Variants in AKAP6 observed in about 807,000 individuals in gnomAD.
The protein encoded by AKAP6 is A-kinase anchor protein 6.
AKAP6 carries 58 observed loss-of-function variants against 188.5 expected under a neutral mutation model. The ratio of observed to expected loss-of-function variants is 0.31; its 90% CI spans 0.25 to 0.38. The LOEUF (loss-of-function observed/expected upper bound fraction) is 0.38, where lower values mean the gene tolerates loss of function less well. Among genes scored for constraint, AKAP6 ranks in the 10% least tolerant of loss-of-function variants. The pLI, the probability that AKAP6 is intolerant of heterozygous loss-of-function variation, is 1.00. For synonymous variants in AKAP6, 989 were observed against 998.6 expected, an observed-to-expected ratio of 0.99 and a Z score of 0.18; for missense variants, 2,710 against 2,740.0, an observed-to-expected ratio of 0.99 and a Z score of 0.24.
In AKAP6 at chr14:32,822,163, C is replaced by A. The variant is rs758399009; in HGVS notation, c.4350C>A (p.Thr1450=). 1.9e-6 allele frequency: 3 copies of A among 1,613,586 alleles called. No individual in the cohort carries two copies. The highest frequency in any genetic ancestry group is 2.7e-5 in the African/African-American group (2 of 74,832). The change falls in exon 13 of 14, where the codon ACC becomes ACA. Residue 1450 remains threonine, a synonymous_variant. Transcript: ENST00000280979. ...VGDLNSITKH[T]PDCLGEELQG... ...ATTTAAACAGTATTACCAAACATACCCCTGACTGTTTGGGAGAAGAATTAC... is the reference window on the plus strand; with the variant it reads ...ATTTAAACAGTATTACCAAACATACACCTGACTGTTTGGGAGAAGAATTAC...
At chr14:32,357,392 G>A in intron 1 of AKAP6, among the ~76,000 whole-genome samples, 1 of 152,172 alleles carries the variant, frequency 6.6e-6, no homozygotes, top group East Asian at 1.9e-4. Flanking sequence ...AGCCAACCAT[G>A]TCTGTTTTAA....
chr14:32,819,978 G>A (rs1214014250), intron 12 of AKAP6, among the ~76,000 whole-genome samples: 1 of 151,930 alleles, frequency 6.6e-6, no homozygotes, highest in Non-Finnish European at 1.5e-5. Flanking sequence ...ATATATGTAT[G>A]GCCACCTAAT....
At chr14:32,808,203 A>G (rs1031775930) in intron 12 of AKAP6, among the ~76,000 whole-genome samples, 2 of 151,254 alleles carry the variant, frequency 1.3e-5, no homozygotes, top group Middle Eastern at 6.9e-3. Context: ...CTTCTTTCCT[A>G]GAACACCTAT....
At chr14:32,790,462 C>A (rs532810859) in intron 12 of AKAP6, among the ~76,000 whole-genome samples, 10 of 152,036 alleles carry the variant, frequency 6.6e-5, no homozygotes, top group South Asian at 4.1e-4. Flanking sequence ...ATGTTAAGGG[C>A]AGCCAGAGAG....
intron 12 of AKAP6, among the ~76,000 whole-genome samples, chr14:32,820,042 G>T (rs1345534226): frequency 1.3e-5 from 2 of 152,080 alleles, no homozygotes; most frequent in Non-Finnish European, 2.9e-5. Context: ...TACTCAGAAT[G>T]ATCTTGAAAA....
At chr14:32,609,133 C>G (rs1434019465) in intron 7 of AKAP6, among the ~76,000 whole-genome samples, 2 of 152,104 alleles carry the variant, frequency 1.3e-5, no homozygotes, top group African/African-American at 4.8e-5. Flanking sequence ...TCTAGGCCTT[C>G]TTATTAAATG....
At chr14:32,372,351 A>G (rs1458152517) in intron 1 of AKAP6, among the ~76,000 whole-genome samples, 1 of 151,736 alleles carries the variant, frequency 6.6e-6, no homozygotes, top group East Asian at 1.9e-4. Context: ...GATTTTTTAT[A>G]AAGAAATACA....
At chr14:32,422,454 G>C (rs1444797605) in intron 1 of AKAP6, among the ~76,000 whole-genome samples, 1 of 152,162 alleles carries the variant, frequency 6.6e-6, no homozygotes, top group African/African-American at 2.4e-5. Context: ...GGAAGAATCT[G>C]GGGCTGGGAG....
intron 11 of AKAP6, among the ~76,000 whole-genome samples, chr14:32,744,580 G>C (rs2031816593): frequency 6.6e-6 from 1 of 152,142 alleles, no homozygotes; most frequent in South Asian, 2.1e-4. Context: ...CCTCCCCAAA[G>C]TACTGGGATT....
rs61353267 is a variant in AKAP6 at position 32,466,845 on chromosome 14, A to T, written c.324+33028A>T. On this transcript the variant is annotated intron_variant, in intron 2 of 13. Transcript: ENST00000280979. ...AACAAGATTATATATATATATATAT[A>T]TTTTCTTTCTTAGCAAGACTAATTC... Among the ~76,000 whole-genome samples the T allele has an allele frequency of 5.8e-3, 842 of 144,214 alleles. 23 individuals carry two copies. Among genetic ancestry groups the T allele is most frequent in the African/African-American group, 0.021 (808 of 38,052 alleles). The allele number at this position is 144,214 out of a possible 152,430, so 94.6% of individuals were successfully genotyped here.
intron 1 of AKAP6, among the ~76,000 whole-genome samples, chr14:32,411,502 C>A (rs548516656): frequency 1.8e-3 from 268 of 152,240 alleles, no homozygotes; most frequent in African/African-American, 6.2e-3. Flanking sequence ...CTATTTTATT[C>A]TCTGCATAGA....
At chr14:32,732,788 T>TC in intron 10 of AKAP6, 188 bp downstream of exon 10, 2 of 676,720 alleles carry the variant, frequency 3.0e-6, no homozygotes, top group Non-Finnish European at 4.9e-6. Flanking sequence ...TTTTTTTTTT[T>TC]CTGAGCTTGT....
Position 32,774,992 on chromosome 14 carries a change from C to T in AKAP6, c.3588+1099C>T, listed in dbSNP as rs115210957. ...TCAGCAAGCCATCTAATTCTTTTTG[C>T]ATCTGTAGATATATTGAGTCTAGGG... On this transcript the variant is annotated intron_variant, in intron 12 of 13. Coordinates refer to ENST00000280979, the MANE Select transcript of AKAP6 (RefSeq NM_004274.5). Among the ~76,000 whole-genome samples, 660 of 152,244 alleles carry T rather than the reference C, an allele frequency of 4.3e-3. 3 individuals are homozygous for T. Among genetic ancestry groups the T allele is most frequent in the African/African-American group, 0.015 (618 of 41,556 alleles).
intron 2 of AKAP6, among the ~76,000 whole-genome samples, chr14:32,439,604 G>GT (rs35339840): frequency 0.61 from 92,527 of 151,626 alleles, 30,090 homozygotes; most frequent in African/African-American, 0.85. Context: ...TAACTAGTAA[G>GT]GCTACCTCAG....
chr14:32,722,570 A>T (rs1206691627), intron 9 of AKAP6, among the ~76,000 whole-genome samples: 2 of 152,068 alleles, frequency 1.3e-5, no homozygotes, highest in Non-Finnish European at 2.9e-5. Flanking sequence ...TACCCGTAAA[A>T]ACCCCAAGCT....
intron 1 of AKAP6, among the ~76,000 whole-genome samples, chr14:32,334,569 C>T (rs1886630266): frequency 2.0e-5 from 3 of 152,158 alleles, no homozygotes. Context: ...TGTGTCTAAT[C>T]TATAAATTAA....
At position 32,551,834 on chromosome 14, in the gene AKAP6, T is replaced by C. The variant is rs567496311; in HGVS notation, c.2346+4835T>C. Among the ~76,000 whole-genome samples, 444 of 137,102 alleles carry C rather than the reference T, an allele frequency of 3.2e-3. 3 individuals carry two copies. Among genetic ancestry groups the C allele is most frequent in the African/African-American group, 0.014 (403 of 28,940 alleles). The allele number at this position is 137,102 out of a possible 152,430, so 89.9% of individuals were successfully genotyped here. A position where few individuals can be genotyped will look rare whatever the true frequency, so the allele number is the denominator to read the frequency against. ...GCCACCACACCCGGCTAATTTTTTGTATTTTTTTTTTTTAGTAGAGATGGG... is the reference window on the plus strand; with the variant it reads ...GCCACCACACCCGGCTAATTTTTTGCATTTTTTTTTTTTAGTAGAGATGGG... On this transcript the variant is annotated intron_variant, in intron 4 of 13. Coordinates refer to ENST00000280979, the MANE Select transcript of AKAP6 (RefSeq NM_004274.5).
chr14:32,364,443 A>C (rs1036993461), intron 1 of AKAP6, among the ~76,000 whole-genome samples: 1 of 152,148 alleles, frequency 6.6e-6, no homozygotes, highest in African/African-American at 2.4e-5. Flanking sequence ...CTGTAACCTC[A>C]GTGCTCCCCC....
rs565007647 is a variant in AKAP6, at chr14:32,395,145, C to G, written c.-34-38315C>G. On this transcript the variant is annotated intron_variant, in intron 1 of 13. Transcript: ENST00000280979. ...ATAATGGGAAACCCAGGAATATGTTCAGTTCCAAGCAGGCTAAATATAACT... is the reference window on the plus strand; with the variant it reads ...ATAATGGGAAACCCAGGAATATGTTGAGTTCCAAGCAGGCTAAATATAACT... 3.0e-4 allele frequency among the ~76,000 whole-genome samples: 46 copies of G among 152,064 alleles called. 1 individual carries two copies. The highest frequency in any genetic ancestry group is 1.8e-3 in the Admixed American group (28 of 15,224).
Sources: allele counts gnomAD v4.1 joint callset (sites outside exome capture counted in the v4.1 genomes callset), GRCh38; gene constraint gnomAD v4.1.1; transcripts MANE v1.5; gene names NCBI Gene and HGNC (gene_info 2026-07-23, HGNC 2026-07-21).